Variants in NDUFB3 observed in about 807,000 individuals in gnomAD.
The protein encoded by NDUFB3 is NADH dehydrogenase [ubiquinone] 1 beta subcomplex subunit 3.
In NDUFB3, 7 loss-of-function variants were observed where a neutral mutation model predicts 9.0. The observed-to-expected ratio is 0.78, with a 90% CI of 0.44 to 1.46. The LOEUF (loss-of-function observed/expected upper bound fraction) is 1.46, where lower values mean the gene tolerates loss of function less well. NDUFB3 is among the 40% of genes most tolerant of loss of function. The pLI is 0.01. For missense variants in NDUFB3, 93 were observed against 115.4 expected, an observed-to-expected ratio of 0.81 and a Z score of 0.89; for synonymous variants, 29 against 38.5, an observed-to-expected ratio of 0.75 and a Z score of 0.91.
At chr2:201,076,176 G>A (rs2047160228) in intron 1 of NDUFB3, among the ~76,000 whole-genome samples, 1 of 151,586 alleles carries the variant, frequency 6.6e-6, no homozygotes, top group African/African-American at 2.4e-5. Flanking sequence ...TTGTGTTTGA[G>A]AGTATCGGTT....
chr2:201,085,066 AG>A (rs1459779265), intron 2 of NDUFB3, among the ~76,000 whole-genome samples: 4 of 152,346 alleles, frequency 2.6e-5, no homozygotes, highest in Non-Finnish European at 5.9e-5. Context: ...CCAGCCTACA[AG>A]ATTGTGAATC....
chr2:201,074,454 CT>C (rs370282012), intron 1 of NDUFB3, among the ~76,000 whole-genome samples: 146 of 113,152 alleles, frequency 1.3e-3, no homozygotes, highest in Admixed American at 3.5e-3. Flanking sequence ...ATATGTTCAG[CT>C]TTTTTTTTTT....
intron 1 of NDUFB3, among the ~76,000 whole-genome samples, chr2:201,073,610 T>A (rs1274613104): frequency 1.3e-5 from 2 of 151,920 alleles, no homozygotes; most frequent in Admixed American, 1.3e-4. Flanking sequence ...CTACTAAAAG[T>A]ACAAAAAATT....
chr2:201,075,890 A>G (rs1357552869), intron 1 of NDUFB3, among the ~76,000 whole-genome samples: 1 of 152,222 alleles, frequency 6.6e-6, no homozygotes, highest in Non-Finnish European at 1.5e-5. Context: ...TTGATATTCT[A>G]GAATTGACAT....
intron 2 of NDUFB3, among the ~76,000 whole-genome samples, chr2:201,081,885 C>T (rs952335112): frequency 4.6e-5 from 7 of 150,910 alleles, no homozygotes; most frequent in African/African-American, 1.5e-4. Context: ...GCACGATCTC[C>T]GCTCACTGCA....
At position 201,082,389 on chromosome 2, in the gene NDUFB3, C is replaced by T. The variant is rs145407944; in HGVS notation, c.141-3070C>T. On this transcript the variant is annotated intron_variant, in intron 2 of 2. Transcript: ENST00000237889. Reference sequence around the variant, plus strand: ...AAATCATCCTCCCACCTCAGCCTCCCGAGTAGCTGGGACTACAGGTGCATG... The same window carrying T: ...AAATCATCCTCCCACCTCAGCCTCCTGAGTAGCTGGGACTACAGGTGCATG... Among the ~76,000 whole-genome samples, 1,479 of 151,866 alleles carry T rather than the reference C, an allele frequency of 9.7e-3. 30 individuals carry two copies. Among genetic ancestry groups the T allele is most frequent in the African/African-American group, 0.034 (1,391 of 41,412 alleles).
chr2:201,084,623 C>G (rs2047267699), intron 2 of NDUFB3, among the ~76,000 whole-genome samples: 1 of 152,234 alleles, frequency 6.6e-6, no homozygotes, highest in East Asian at 1.9e-4. Context: ...AGTGACAGAG[C>G]AAGACTCCAT....
At chr2:201,080,063 C>A (rs900786451) in intron 2 of NDUFB3, 1 of 151,810 alleles carries the variant, frequency 6.6e-6, no homozygotes. Flanking sequence ...TTTTTGCACC[C>A]TAAGATTATC....
intron 1 of NDUFB3, among the ~76,000 whole-genome samples, chr2:201,074,588 C>A (rs542101640): frequency 6.6e-6 from 1 of 151,582 alleles, no homozygotes; most frequent in Non-Finnish European, 1.5e-5. Flanking sequence ...TCCTGAGTAG[C>A]TGGGACTACA....
intron 1 of NDUFB3, chr2:201,072,447 A>C (rs1205511581): frequency 6.6e-6 from 1 of 152,244 alleles, no homozygotes; most frequent in Non-Finnish European, 1.5e-5. Flanking sequence ...TATACTTGAT[A>C]GTCTTCGGTA....
chr2:201,084,925 T>G (rs1469827577), intron 2 of NDUFB3, among the ~76,000 whole-genome samples: 1 of 152,172 alleles, frequency 6.6e-6, no homozygotes, highest in Non-Finnish European at 1.5e-5. Context: ...ATGTCAAGTG[T>G]TACATACTCC....
intron 2 of NDUFB3, among the ~76,000 whole-genome samples, chr2:201,080,935 C>T (rs2047215269): frequency 6.6e-6 from 1 of 151,556 alleles, no homozygotes; most frequent in Non-Finnish European, 1.5e-5. Flanking sequence ...GATCTCCCGA[C>T]CTCATGATCC....
chr2:201,079,379 G>C (rs572351543), intron 2 of NDUFB3, among the ~76,000 whole-genome samples: 3 of 152,010 alleles, frequency 2.0e-5, no homozygotes, highest in Non-Finnish European at 4.4e-5. Flanking sequence ...TCCTGACCTC[G>C]TGATCCACCT....
intron 1 of NDUFB3, among the ~76,000 whole-genome samples, chr2:201,074,703 G>T (rs1457279976): frequency 6.6e-6 from 1 of 152,234 alleles, no homozygotes; most frequent in East Asian, 1.9e-4. Context: ...TGATCCACCT[G>T]CCTTGGCCTC....
intron 1 of NDUFB3, among the ~76,000 whole-genome samples, chr2:201,078,664 T>G (rs2125534498): frequency 6.6e-6 from 1 of 152,314 alleles, no homozygotes; most frequent in African/African-American, 2.4e-5. Flanking sequence ...GCCAATTATT[T>G]TTCTTTTTTA....
At chr2:201,078,760 T>C in intron 1 of NDUFB3, 121 bp from the exon 2 acceptor site, 2 of 974,504 alleles carry the variant, frequency 2.1e-6, no homozygotes, top group Non-Finnish European at 3.0e-6. Flanking sequence ...AATTTTCAAG[T>C]ATTTATATTG....
intron 1 of NDUFB3, 100 bp from the exon 2 acceptor site, chr2:201,078,781 T>G (rs2047193065): frequency 8.6e-7 from 1 of 1,163,022 alleles, no homozygotes; most frequent in Non-Finnish European, 1.2e-6. Context: ...GCTTTTTTTT[T>G]TAATATTAAA....
intron 1 of NDUFB3, among the ~76,000 whole-genome samples, chr2:201,076,293 T>G (rs534244579): frequency 6.6e-6 from 1 of 151,918 alleles, no homozygotes; most frequent in East Asian, 1.9e-4. Flanking sequence ...AAGGATCACT[T>G]GAGGCCAGGA....
At chr2:201,083,629 G>A (rs1041196642) in intron 2 of NDUFB3, among the ~76,000 whole-genome samples, 3 of 152,082 alleles carry the variant, frequency 2.0e-5, no homozygotes, top group Admixed American at 2.0e-4. Flanking sequence ...TTACAGGCCT[G>A]AGCCACCGTG....
Sources: allele counts gnomAD v4.1 joint callset (sites outside exome capture counted in the v4.1 genomes callset), GRCh38; gene constraint gnomAD v4.1.1; transcripts MANE v1.5; gene names NCBI Gene and HGNC (gene_info 2026-07-23, HGNC 2026-07-21).